RBFOX1: variants seen among roughly 807,000 people sequenced by gnomAD.
RBFOX1 encodes RNA binding protein fox-1 homolog 1.
A neutral mutation model predicts 57.7 loss-of-function variants in RBFOX1; 8 were observed. The observed-to-expected ratio is 0.14, with a 90% CI of 0.08 to 0.25. The LOEUF is 0.25. Ranked by LOEUF, RBFOX1 falls within the 10% of genes least tolerant of loss-of-function variation. The probability of loss-of-function intolerance (pLI) is 1.00; values close to 1 mark genes in which losing one functional copy is unlikely to be tolerated. For synonymous variants in RBFOX1, 326 were observed against 222.4 expected, an observed-to-expected ratio of 1.47 and a Z score of -4.15; for missense variants, 611 against 548.5, an observed-to-expected ratio of 1.11 and a Z score of -1.14.
At chr16:6,172,610 T>G (rs2096969988) in intron 1 of RBFOX1, among the ~76,000 whole-genome samples, 1 of 152,168 alleles carries the variant, frequency 6.6e-6, no homozygotes, top group Admixed American at 6.6e-5. Flanking sequence ...ACTTCCTGAG[T>G]TCAAGTTCTG....
chr16:5,705,137 T>G (rs1037132445), intron 3 of RBFOX1, among the ~76,000 whole-genome samples: 4 of 152,188 alleles, frequency 2.6e-5, no homozygotes, highest in Non-Finnish European at 5.9e-5. Flanking sequence ...AATAAATCAT[T>G]TGGTTCCTGC....
Position 5,582,467 on chromosome 16 carries a change from C to A in RBFOX1, c.259-16435C>A, listed in dbSNP as rs558911394. 7.9e-5 allele frequency among the ~76,000 whole-genome samples: 12 copies of A among 151,838 alleles called. No homozygotes were observed. The East Asian group carries it at 2.3e-3, about 29-fold the overall frequency. ...CCTGTTAACGATGAGGAAACCAAGA[C>A]CAGAGAGGTTAAACAGCCCTCCAAG... On this transcript the variant is annotated intron_variant, in intron 2 of 2. Transcript: ENST00000585867.
intron 3 of RBFOX1, among the ~76,000 whole-genome samples, chr16:7,005,271 C>T (rs959847394): frequency 6.6e-6 from 1 of 152,110 alleles, no homozygotes; most frequent in African/African-American, 2.4e-5. Context: ...TTCAAGAGAA[C>T]CTAAAGATAC....
intron 1 of RBFOX1, among the ~76,000 whole-genome samples, chr16:5,404,961 G>A (rs1032712992): frequency 2.6e-5 from 4 of 152,214 alleles, no homozygotes; most frequent in African/African-American, 9.6e-5. Context: ...ATCATAGGAA[G>A]TACTTCTCTA....
At chr16:6,744,763 A>C (rs1239050761) in intron 3 of RBFOX1, among the ~76,000 whole-genome samples, 1 of 152,096 alleles carries the variant, frequency 6.6e-6, no homozygotes, top group African/African-American at 2.4e-5. Flanking sequence ...TAAATCACTT[A>C]CTTTATCTTC....
At chr16:5,862,295 G>C (rs942250075) in intron 3 of RBFOX1, among the ~76,000 whole-genome samples, 1 of 152,228 alleles carries the variant, frequency 6.6e-6, no homozygotes, top group African/African-American at 2.4e-5. Context: ...TGACGTCACA[G>C]TTAAAGCCTT....
At chr16:6,946,516 A>G (rs1481035449) in intron 3 of RBFOX1, among the ~76,000 whole-genome samples, 2 of 152,088 alleles carry the variant, frequency 1.3e-5, no homozygotes, top group Non-Finnish European at 2.9e-5. Flanking sequence ...TACATCTCCC[A>G]TCCCTACTGT....
intron 1 of RBFOX1, among the ~76,000 whole-genome samples, chr16:6,110,663 C>T (rs764358588): frequency 3.9e-5 from 6 of 152,126 alleles, no homozygotes; most frequent in Admixed American, 2.0e-4. Context: ...GAAATAGGAA[C>T]GGAGGAGTTG....
At chr16:5,330,703 C>G (rs1226450030) in intron 1 of RBFOX1, among the ~76,000 whole-genome samples, 1 of 150,452 alleles carries the variant, frequency 6.6e-6, no homozygotes, top group African/African-American at 2.5e-5. Context: ...GTTTGCCCAG[C>G]CTACTTTTTT....
At chr16:7,332,830 G>T in intron 4 of RBFOX1, 1 of 1,432,816 alleles carries the variant, frequency 7.0e-7, no homozygotes, top group Non-Finnish European at 9.1e-7. Flanking sequence ...ATTAAGAGTT[G>T]CTGATGCGGA....
intron 2 of RBFOX1, among the ~76,000 whole-genome samples, chr16:6,618,055 C>T (rs1280074151): frequency 2.0e-5 from 3 of 152,146 alleles, no homozygotes; most frequent in African/African-American, 7.2e-5. Context: ...TCAAATGCAG[C>T]AATCCTTGTG....
intron 2 of RBFOX1, among the ~76,000 whole-genome samples, chr16:6,318,536 C>T (rs2081377584): frequency 6.6e-6 from 1 of 152,122 alleles, no homozygotes; most frequent in Non-Finnish European, 1.5e-5. Flanking sequence ...GATGGGTTTT[C>T]AGATCATACA....
intron 1 of RBFOX1, among the ~76,000 whole-genome samples, chr16:5,372,337 C>G (rs1172868796): frequency 1.3e-5 from 2 of 152,188 alleles, no homozygotes; most frequent in African/African-American, 4.8e-5. Context: ...CCACCTCTTT[C>G]TCCCCCAATA....
chr16:7,187,959 C>T (rs1484787538), intron 4 of RBFOX1, among the ~76,000 whole-genome samples: 1 of 152,140 alleles, frequency 6.6e-6, no homozygotes, highest in Non-Finnish European at 1.5e-5. Context: ...AGAATCAACT[C>T]ACAGAGAGAA....
chr16:7,580,216 T>C (rs1003615), intron 6 of RBFOX1, among the ~76,000 whole-genome samples: 47,333 of 152,044 alleles, frequency 0.31, 9,102 homozygotes, highest in East Asian at 0.53. Flanking sequence ...GGAAGCCTAT[T>C]GATGGTCCTA....
At chr16:6,920,288 T>C (rs1310415742) in intron 3 of RBFOX1, among the ~76,000 whole-genome samples, 1 of 152,186 alleles carries the variant, frequency 6.6e-6, no homozygotes, top group Non-Finnish European at 1.5e-5. Context: ...TTGGTAGATA[T>C]CCAGTAGTGG....
intron 3 of RBFOX1, among the ~76,000 whole-genome samples, chr16:7,039,386 A>C (rs2045480205): frequency 6.6e-6 from 1 of 152,218 alleles, no homozygotes; most frequent in Non-Finnish European, 1.5e-5. Context: ...GTTAAGAGGA[A>C]AACATCGTGG....
In RBFOX1 at chr16:5,665,135, G is replaced by GC. The variant is rs1042058995; in HGVS notation, c.318+66174_318+66175insC. 1.1e-4 allele frequency among the ~76,000 whole-genome samples: 15 copies of GC among 142,432 alleles called. 2 individuals carry two copies. Among genetic ancestry groups the GC allele is most frequent in the African/African-American group, 3.5e-4 (14 of 39,808 alleles). The allele number at this position is 142,432 out of a possible 152,430, so 93.4% of individuals were successfully genotyped here. ...TAACTTTTTGATATTTTTACATGGG[G>GC]GGGGGCGGTCTTGCTATATTGCCCA... On this transcript the variant is annotated intron_variant, in intron 3 of 19. Transcript: ENST00000641259.
intron 3 of RBFOX1, among the ~76,000 whole-genome samples, chr16:5,728,820 C>T (rs1213562375): frequency 6.6e-6 from 1 of 152,164 alleles, no homozygotes; most frequent in African/African-American, 2.4e-5. Context: ...TCCCTCCCCA[C>T]CTCCAGCAAA....
Sources: allele counts gnomAD v4.1 joint callset (sites outside exome capture counted in the v4.1 genomes callset), GRCh38; gene constraint gnomAD v4.1.1; transcripts MANE v1.5; gene names NCBI Gene and HGNC (gene_info 2026-07-23, HGNC 2026-07-21).